ANKRD30A: variants seen among roughly 807,000 people sequenced by gnomAD.
The protein encoded by ANKRD30A is ankyrin repeat domain 30A.
In ANKRD30A, 170 loss-of-function variants were observed where a neutral mutation model predicts 166.3. The observed-to-expected ratio is 1.02, with a 90% confidence interval of 0.90 to 1.16. The LOEUF is 1.16. Among genes scored for constraint, ANKRD30A ranks in the 50% most tolerant of loss-of-function variants. The pLI, the probability that ANKRD30A is intolerant of heterozygous loss-of-function variation, is 0.00. For synonymous variants in ANKRD30A, 564 were observed against 508.9 expected (o/e 1.11, Z -1.46); for missense variants, 1,630 against 1,518.0 (o/e 1.07, Z -1.23).
intron 31 of ANKRD30A, among the ~76,000 whole-genome samples, chr10:37,203,262 C>G (rs764276126): frequency 2.6e-5 from 4 of 152,176 alleles, no homozygotes; most frequent in Non-Finnish European, 5.9e-5. Flanking sequence ...CCGAATCCAG[C>G]AGCACATCAG....
At chr10:37,243,355 A>G in the ANKRD30A span, among the ~76,000 whole-genome samples, 1 of 149,212 alleles carries the variant, frequency 6.7e-6, no homozygotes, top group Non-Finnish European at 1.5e-5. Context: ...CGTGTTAGCC[A>G]GGATGGTCTG....
At chr10:37,250,667 T>C in the ANKRD30A span, among the ~76,000 whole-genome samples, 4 of 151,998 alleles carry the variant, frequency 2.6e-5, no homozygotes, top group Non-Finnish European at 5.9e-5. Context: ...TGAGTGCCCT[T>C]ATAGAAGGGA....
Position 37,219,398 on chromosome 10 carries a change from C to T in ANKRD30A, c.3686C>T (p.Ala1229Val). ...CCTGCTTTCCACATTGCAGGAGATG[C>T]TTGTTTGCAAAGAAAAATGAATGTT... ...QEPAFHIAGD[A>V]CLQRKMNVDV... Residue 1229 changes from alanine to valine, a missense_variant, in exon 34 of 36, where the codon GCT (alanine) becomes GTT (valine). By Grantham distance (64) the Ala-to-Val change is moderately conservative (BLOSUM62 0). This residue lies in a region of ANKRD30A where 712 missense variants were observed against 629.3 expected (regional missense o/e 1.13). Transcript: ENST00000361713. The T allele has an allele frequency of 6.2e-7, 1 of 1,610,468 alleles. No individual in the cohort carries two copies. The highest frequency in any genetic ancestry group is 8.5e-7 in the Non-Finnish European group (1 of 1,177,736).
In ANKRD30A at chr10:37,147,465, C is replaced by T. The variant is rs748967040; in HGVS notation, c.1543+8C>T. 1.8e-5 allele frequency: 28 copies of T among 1,538,418 alleles called. No homozygotes were observed. The highest frequency in any genetic ancestry group is 4.5e-5 in the East Asian group (2 of 44,066). The stretch of plus-strand genomic sequence containing the variant: ...TAAATAGAGAAGTAGAAGGTAAGAA[C>T]GATTTTTTATTTGAAAAGTCTTTTA... On this transcript the variant is annotated splice_region_variant and intron_variant, in intron 9 of 35. Transcript: ENST00000361713.
At chr10:37,133,342 G>A (rs1324475638) in intron 4 of ANKRD30A, among the ~76,000 whole-genome samples, 1 of 152,226 alleles carries the variant, frequency 6.6e-6, no homozygotes, top group Non-Finnish European at 1.5e-5. Context: ...TCACTTGATA[G>A]GTGTGACCTT....
At chr10:37,161,134 A>G (rs978189814) in intron 15 of ANKRD30A, among the ~76,000 whole-genome samples, 12 of 152,150 alleles carry the variant, frequency 7.9e-5, no homozygotes, top group Non-Finnish European at 1.5e-4. Context: ...CGCATTTCTA[A>G]TAAGTTCTCA....
chr10:37,153,182 G>T (rs540828849), intron 12 of ANKRD30A, among the ~76,000 whole-genome samples: 1 of 152,260 alleles, frequency 6.6e-6, no homozygotes, highest in South Asian at 2.1e-4. Flanking sequence ...GTTTAATGCT[G>T]TATGTGTCCT....
At chr10:37,210,064 T>G (rs910537192) in intron 31 of ANKRD30A, among the ~76,000 whole-genome samples, 2 of 152,110 alleles carry the variant, frequency 1.3e-5, no homozygotes, top group African/African-American at 4.8e-5. Context: ...GCTGTACCCA[T>G]CAACCCATCA....
At chr10:37,151,963 A>T (rs1837970499) in intron 11 of ANKRD30A, 97 bp from the exon 12 acceptor site, 1 of 1,122,300 alleles carries the variant, frequency 8.9e-7, no homozygotes, top group Non-Finnish European at 1.3e-6. Context: ...CAGAGGAAAA[A>T]CCACAGATTC....
At chr10:37,255,739 G>A in the ANKRD30A span, among the ~76,000 whole-genome samples, 1 of 152,068 alleles carries the variant, frequency 6.6e-6, no homozygotes, top group Non-Finnish European at 1.5e-5. Flanking sequence ...CATCATATTG[G>A]ACCTCACAGT....
At position 37,141,871 on chromosome 10, in the gene ANKRD30A, C is replaced by G; in HGVS notation, c.974C>G (p.Pro325Arg). The G allele has an allele frequency of 6.2e-7, 1 of 1,612,366 alleles. No homozygotes were observed. ...DTAESLVEKTPDEAASLVEGT... is the reference protein window; with the variant it reads ...DTAESLVEKTRDEAASLVEGT... ...GCTGAAAGCTTGGTGGAAAAAACAC[C>G]TGATGAGGCTGCATCCTTGGTGGAG... Residue 325 changes from proline (P) to arginine (R), a missense_variant, in exon 7 of 36, where the codon CCT becomes CGT. Transcript: ENST00000361713.
At chr10:37,155,682 A>T (rs1485511274) in intron 13 of ANKRD30A, among the ~76,000 whole-genome samples, 1 of 152,194 alleles carries the variant, frequency 6.6e-6, no homozygotes, top group Non-Finnish European at 1.5e-5. Flanking sequence ...ACATATTGGT[A>T]TTAACACTTT....
chr10:37,251,283 T>C, the ANKRD30A span, among the ~76,000 whole-genome samples: 3 of 152,196 alleles, frequency 2.0e-5, no homozygotes, highest in African/African-American at 7.2e-5. Context: ...ATAGGTGTGC[T>C]GATTTGCTGT....
intron 15 of ANKRD30A, among the ~76,000 whole-genome samples, chr10:37,159,023 C>G (rs957924516): frequency 6.6e-6 from 1 of 151,968 alleles, no homozygotes; most frequent in Non-Finnish European, 1.5e-5. Flanking sequence ...TTTTGATTAG[C>G]TGACTGTGTG....
At chr10:37,192,345 G>C (rs1238779742) in intron 25 of ANKRD30A, among the ~76,000 whole-genome samples, 1 of 152,024 alleles carries the variant, frequency 6.6e-6, no homozygotes, top group African/African-American at 2.4e-5. Flanking sequence ...CACCTGGCCT[G>C]TATTGGTTTG....
chr10:37,203,861 C>T (rs1015346876), intron 31 of ANKRD30A, among the ~76,000 whole-genome samples: 3 of 152,080 alleles, frequency 2.0e-5, no homozygotes, highest in Admixed American at 6.5e-5. Context: ...AACAGAGAAC[C>T]AAATCATGAG....
At chr10:37,126,346 T>G (rs1308167072) in intron 1 of ANKRD30A, among the ~76,000 whole-genome samples, 4 of 152,202 alleles carry the variant, frequency 2.6e-5, no homozygotes, top group Non-Finnish European at 5.9e-5. Flanking sequence ...ACATACAGGG[T>G]TTTACATTTA....
intron 6 of ANKRD30A, among the ~76,000 whole-genome samples, chr10:37,140,589 ATGT>A (rs1388556378): frequency 6.6e-6 from 1 of 152,166 alleles, no homozygotes; most frequent in African/African-American, 2.4e-5. Context: ...AAAACAAGAT[ATGT>A]TGTTCTATCT....
intron 31 of ANKRD30A, among the ~76,000 whole-genome samples, chr10:37,203,017 C>T (rs928921635): frequency 1.3e-5 from 2 of 152,118 alleles, no homozygotes; most frequent in African/African-American, 4.8e-5. Context: ...AAGAAAAGTC[C>T]AGGACTGGAC....
Sources: gnomAD v4.1 joint callset for allele counts (sites outside exome capture counted in the v4.1 genomes callset) on GRCh38, gnomAD v4.1.1 for gene constraint, gnomAD v4.1.1 regional missense constraint, MANE v1.5 for transcripts, NCBI Gene and HGNC (gene_info 2026-07-23, HGNC 2026-07-21) for gene names.